The following SRGAP1 variants were observed in gnomAD, a reference collection of about 807,000 sequenced individuals.
SRGAP1 encodes SLIT-ROBO Rho GTPase-activating protein 1.
In SRGAP1, 43 loss-of-function variants were observed where a neutral mutation model predicts 121.9. The ratio of observed to expected loss-of-function variants is 0.35; its 90% CI spans 0.28 to 0.46. The LOEUF (loss-of-function observed/expected upper bound fraction) is 0.46, where lower values mean the gene tolerates loss of function less well. SRGAP1 is among the 20% of genes least tolerant of loss of function. The pLI, the probability that SRGAP1 is intolerant of heterozygous loss-of-function variation, is 1.00. For synonymous variants in SRGAP1, 447 were observed against 485.4 expected (o/e 0.92, Z 1.04); for missense variants, 1,102 against 1,350.9 (o/e 0.82, Z 2.89).
intron 1 of SRGAP1, among the ~76,000 whole-genome samples, chr12:63,972,574 T>C (rs1321953480): frequency 6.6e-6 from 1 of 152,234 alleles, no homozygotes; most frequent in Admixed American, 6.5e-5. Context: ...GAAACAGATG[T>C]ACACCAGAGA....
chr12:64,132,899 G>C (rs1357729918), intron 21 of SRGAP1, among the ~76,000 whole-genome samples: 1 of 152,248 alleles, frequency 6.6e-6, no homozygotes, highest in African/African-American at 2.4e-5. Flanking sequence ...AATTACTTCT[G>C]GTGGGCCTTA....
intron 1 of SRGAP1, among the ~76,000 whole-genome samples, chr12:63,898,623 A>G (rs1900830889): frequency 6.6e-6 from 1 of 152,224 alleles, no homozygotes; most frequent in South Asian, 2.1e-4. Flanking sequence ...AGGAAACTCT[A>G]CAAACAATCC....
intron 1 of SRGAP1, among the ~76,000 whole-genome samples, chr12:63,934,597 G>A (rs983404606): frequency 6.6e-6 from 1 of 151,860 alleles, no homozygotes; most frequent in Admixed American, 6.6e-5. Context: ...AGCTTATGTT[G>A]GCCCTTTATT....
chr12:64,066,078 A>G (rs2035534488), intron 8 of SRGAP1, among the ~76,000 whole-genome samples: 1 of 152,248 alleles, frequency 6.6e-6, no homozygotes, highest in South Asian at 2.1e-4. Flanking sequence ...TTACAGGAAC[A>G]CAAGTTAAAA....
At chr12:63,853,255 A>G (rs962425709) in intron 1 of SRGAP1, among the ~76,000 whole-genome samples, 2 of 152,060 alleles carry the variant, frequency 1.3e-5, no homozygotes, top group Non-Finnish European at 2.9e-5. Flanking sequence ...TCCTGACATC[A>G]GGTGATCCAC....
chr12:63,971,769 T>G (rs1334091421), intron 1 of SRGAP1, among the ~76,000 whole-genome samples: 2 of 152,028 alleles, frequency 1.3e-5, no homozygotes, highest in African/African-American at 4.8e-5. Flanking sequence ...TGTGGGTGTG[T>G]GTGTGTGTGT....
chr12:63,996,095 A>G (rs2033693591), intron 3 of SRGAP1, among the ~76,000 whole-genome samples: 1 of 151,886 alleles, frequency 6.6e-6, no homozygotes, highest in Non-Finnish European at 1.5e-5. Flanking sequence ...AAAAGAACCT[A>G]TTTCTCTTTG....
chr12:64,060,109 CG>C (rs915805958), intron 6 of SRGAP1, among the ~76,000 whole-genome samples: 3 of 150,880 alleles, frequency 2.0e-5, no homozygotes, highest in Non-Finnish European at 4.4e-5. Context: ...TGAAATAGGT[CG>C]GGGTGGAACT....
At chr12:63,949,151 A>G (rs1318488172) in intron 1 of SRGAP1, among the ~76,000 whole-genome samples, 1 of 144,282 alleles carries the variant, frequency 6.9e-6, no homozygotes, top group African/African-American at 2.6e-5. Flanking sequence ...ACATTCATAT[A>G]TGTATTTTCC....
At chr12:63,883,617 C>T (rs766222822) in intron 1 of SRGAP1, among the ~76,000 whole-genome samples, 1 of 151,970 alleles carries the variant, frequency 6.6e-6, no homozygotes, top group Non-Finnish European at 1.5e-5. Flanking sequence ...GGAGGTATAC[C>T]TCTATTTTGA....
chr12:64,072,077 T>A (rs2136550406), intron 8 of SRGAP1, among the ~76,000 whole-genome samples: 1 of 144,808 alleles, frequency 6.9e-6, no homozygotes, highest in South Asian at 2.2e-4. Context: ...TACCCTTGGC[T>A]AATTAATTAC....
intron 2 of SRGAP1, among the ~76,000 whole-genome samples, chr12:63,988,051 C>T (rs997317046): frequency 6.6e-6 from 1 of 152,176 alleles, no homozygotes; most frequent in African/African-American, 2.4e-5. Context: ...GACAGTGCAG[C>T]TCCAGAGGCC....
chr12:63,980,390 C>T (rs765793155), intron 1 of SRGAP1, among the ~76,000 whole-genome samples: 35 of 152,128 alleles, frequency 2.3e-4, no homozygotes, highest in East Asian at 3.9e-4. Flanking sequence ...CAAATTTATG[C>T]GACCAATCAT....
intron 3 of SRGAP1, among the ~76,000 whole-genome samples, chr12:64,006,106 T>C (rs2034074158): frequency 6.6e-6 from 1 of 152,180 alleles, no homozygotes; most frequent in South Asian, 2.1e-4. Context: ...GAGTAAAGCA[T>C]TCTGGCTGGA....
chr12:64,004,452 A>G (rs2034013420), intron 3 of SRGAP1, among the ~76,000 whole-genome samples: 1 of 152,072 alleles, frequency 6.6e-6, no homozygotes, highest in Admixed American at 6.6e-5. Flanking sequence ...GCTCACTGCA[A>G]CTTCCACCTT....
intron 1 of SRGAP1, among the ~76,000 whole-genome samples, chr12:63,917,738 A>G (rs17099914): frequency 0.05 from 7,622 of 152,266 alleles, 233 homozygotes; most frequent in South Asian, 0.092. Flanking sequence ...CCAAATTTGA[A>G]AACAGTTTAT....
chr12:64,122,777 A>C (rs975413249), intron 18 of SRGAP1, among the ~76,000 whole-genome samples: 1 of 152,134 alleles, frequency 6.6e-6, no homozygotes, highest in Non-Finnish European at 1.5e-5. Context: ...ACGTGCCTGC[A>C]GTCCCGGCTA....
intron 1 of SRGAP1, among the ~76,000 whole-genome samples, chr12:63,862,139 A>G (rs1899476305): frequency 6.6e-6 from 1 of 152,190 alleles, no homozygotes; most frequent in Admixed American, 6.5e-5. Flanking sequence ...TTATACACAC[A>G]CACCTCATGA....
chr12:63,994,985 G>A (rs2033655127), intron 3 of SRGAP1, among the ~76,000 whole-genome samples: 1 of 152,188 alleles, frequency 6.6e-6, no homozygotes, highest in Non-Finnish European at 1.5e-5. Context: ...AGGCTATCCA[G>A]CCAGCTTGCA....
Sources: gnomAD v4.1 joint callset for allele counts (sites outside exome capture counted in the v4.1 genomes callset) on GRCh38, gnomAD v4.1.1 for gene constraint, MANE v1.5 for transcripts, NCBI Gene and HGNC (gene_info 2026-07-23, HGNC 2026-07-21) for gene names.